The following SENP2 variants were observed in gnomAD, a reference collection of about 807,000 sequenced individuals.
SENP2 encodes SUMO specific peptidase 2.
A neutral mutation model predicts 86.3 loss-of-function variants in SENP2; 16 were observed. That is an observed-to-expected ratio of 0.19 (90% confidence interval 0.13 to 0.28). The LOEUF is 0.28. SENP2 is among the 10% of genes least tolerant of loss of function. The pLI is 1.00. For synonymous variants in SENP2, 222 were observed against 238.7 expected (o/e 0.93, Z 0.64); for missense variants, 552 against 703.0 (o/e 0.79, Z 2.43).
At chr3:185,599,584 G>C (rs533950612) in intron 4 of SENP2, among the ~76,000 whole-genome samples, 61 of 152,268 alleles carry the variant, frequency 4.0e-4, no homozygotes, top group Admixed American at 3.4e-3. Context: ...ACTCAGGAAG[G>C]CTTGTAAAGT....
chr3:185,608,728 A>G (rs912545095), intron 6 of SENP2, among the ~76,000 whole-genome samples: 1 of 152,194 alleles, frequency 6.6e-6, no homozygotes, highest in Admixed American at 6.6e-5. Flanking sequence ...GGAGACAGAG[A>G]AAAAAGAATC....
At chr3:185,599,080 C>T (rs78873116) in intron 4 of SENP2, 56 bp downstream of exon 4, 62,509 of 1,274,476 alleles carry the variant, frequency 0.049, 2,229 homozygotes, top group East Asian at 0.15. Context: ...CCATTTTTTT[C>T]CTACATTTTG....
Position 185,599,757 on chromosome 3 carries a change from A to AT in SENP2, c.358+734dup, listed in dbSNP as rs78099728. 4.5e-4 allele frequency among the ~76,000 whole-genome samples: 68 copies of AT among 151,976 alleles called. 1 individual carries two copies. In the East Asian group the frequency reaches 0.012, roughly 27 times the overall value. ...GAGAAGAGCAAAGGAGAATAAATAC[A>AT]TACCCCTGTGTCTGAGAAGCTAGTT... On this transcript the variant is annotated intron_variant, in intron 4 of 16. Coordinates refer to ENST00000296257, the MANE Select transcript of SENP2 (RefSeq NM_021627.3).
intron 2 of SENP2, among the ~76,000 whole-genome samples, chr3:185,590,778 G>A (rs1312567023): frequency 3.3e-5 from 4 of 122,544 alleles, no homozygotes; most frequent in Non-Finnish European, 6.6e-5. Flanking sequence ...CGAGAATCGC[G>A]TGAACCTGGG....
chr3:185,592,813 C>T (rs1722051034), intron 2 of SENP2, among the ~76,000 whole-genome samples: 1 of 152,086 alleles, frequency 6.6e-6, no homozygotes, highest in South Asian at 2.1e-4. Flanking sequence ...GACAGGGTTT[C>T]GCCATGTTGG....
intron 16 of SENP2, among the ~76,000 whole-genome samples, chr3:185,628,949 T>C (rs984925311): frequency 2.6e-5 from 4 of 152,136 alleles, no homozygotes; most frequent in Non-Finnish European, 5.9e-5. Context: ...AAACATCTCA[T>C]TGTTTCATGT....
intron 16 of SENP2, among the ~76,000 whole-genome samples, chr3:185,628,795 C>T (rs1055907195): frequency 2.0e-5 from 3 of 152,170 alleles, no homozygotes; most frequent in African/African-American, 4.8e-5. Context: ...CGTGAGCCAC[C>T]GCGCCTGGCC....
At chr3:185,596,300 C>A (rs1432493325) in intron 2 of SENP2, among the ~76,000 whole-genome samples, 1 of 152,004 alleles carries the variant, frequency 6.6e-6, no homozygotes, top group Non-Finnish European at 1.5e-5. Flanking sequence ...GAGGGATAGT[C>A]TTGTTCTATC....
At chr3:185,587,590 G>A (rs1721830342) in intron 1 of SENP2, among the ~76,000 whole-genome samples, 2 of 63,550 alleles carry the variant, frequency 3.1e-5, no homozygotes, top group African/African-American at 6.1e-5. Context: ...TTTTTGAGAA[G>A]GAGTCTCGCT....
At chr3:185,610,358 C>T (rs1577731656) in intron 7 of SENP2, among the ~76,000 whole-genome samples, 1 of 152,046 alleles carries the variant, frequency 6.6e-6, no homozygotes, top group East Asian at 1.9e-4. Flanking sequence ...GATGGGGCTT[C>T]ACCATGTTGG....
intron 13 of SENP2, among the ~76,000 whole-genome samples, chr3:185,620,498 A>G (rs936874366): frequency 6.6e-6 from 1 of 152,104 alleles, no homozygotes; most frequent in Admixed American, 6.6e-5. Flanking sequence ...GCTGGAGTGC[A>G]ATGGCACGAT....
chr3:185,615,051 G>T (rs1376597790), intron 11 of SENP2, among the ~76,000 whole-genome samples: 1 of 152,046 alleles, frequency 6.6e-6, no homozygotes, highest in Non-Finnish European at 1.5e-5. Context: ...TATGGGTTTG[G>T]CATTAAGAAT....
chr3:185,612,338 A>G, intron 8 of SENP2: 2 of 328,458 alleles, frequency 6.1e-6, no homozygotes, highest in South Asian at 7.3e-5. Context: ...ATTTCCTTAT[A>G]CTTCTCCACT....
chr3:185,625,962 C>T (rs766283861), intron 15 of SENP2, among the ~76,000 whole-genome samples: 1 of 152,152 alleles, frequency 6.6e-6, no homozygotes, highest in Non-Finnish European at 1.5e-5. Flanking sequence ...GGGTCATGCA[C>T]TCCATCTCAT....
intron 5 of SENP2, among the ~76,000 whole-genome samples, chr3:185,605,803 T>G (rs1560194126): frequency 6.6e-6 from 1 of 152,098 alleles, no homozygotes; most frequent in Non-Finnish European, 1.5e-5. Flanking sequence ...TGTGACTGGG[T>G]GGGAATTCCA....
rs1357471974 is a variant in SENP2, at chr3:185,590,973, C to T, written c.157+804C>T. ...AGGCTGGAGTGCAGTGGCGCAATCT[C>T]GGCTCACTGCAAGCTCTGCCTCCCA... On this transcript the variant is annotated intron_variant, in intron 2 of 16. Coordinates refer to ENST00000296257, the MANE Select transcript of SENP2 (RefSeq NM_021627.3). Among the ~76,000 whole-genome samples, 39 of 117,744 alleles carry T rather than the reference C, an allele frequency of 3.3e-4. No homozygotes were observed. In the South Asian group the frequency reaches 4.5e-3, roughly 13 times the overall value. 77.2% of individuals were successfully genotyped at this position (117,744 alleles called of 152,430 possible). A position where few individuals can be genotyped will look rare whatever the true frequency, so the allele number is the denominator to read the frequency against.
In SENP2 at chr3:185,592,627, T is replaced by C. The variant is rs150099233; in HGVS notation, c.157+2458T>C. Among the ~76,000 whole-genome samples, 605 of 152,050 alleles carry C rather than the reference T, an allele frequency of 4.0e-3. 7 individuals carry two copies. The highest frequency in any genetic ancestry group is 0.014 in the African/African-American group (567 of 41,514). ...TAGTAAGACAGGGTCTCCTTTTTTT[T>C]TTTTTTTGAGATGGAGTCTTGCTCT... On this transcript the variant is annotated intron_variant, in intron 2 of 16. Transcript: ENST00000296257.
intron 16 of SENP2, 22 bp downstream of exon 16, chr3:185,626,415 C>A (rs1357248081): frequency 6.6e-7 from 1 of 1,506,188 alleles, no homozygotes; most frequent in African/African-American, 1.4e-5. Flanking sequence ...CCCTCTTCAT[C>A]CATTTACTTG....
chr3:185,605,108 C>T (rs1245562262), intron 5 of SENP2, among the ~76,000 whole-genome samples: 2 of 151,304 alleles, frequency 1.3e-5, no homozygotes, highest in Non-Finnish European at 1.5e-5. Context: ...TGGTGGCTCA[C>T]GCCTGTATCC....
Sources: allele counts gnomAD v4.1 joint callset (sites outside exome capture counted in the v4.1 genomes callset), GRCh38; gene constraint gnomAD v4.1.1; transcripts MANE v1.5; gene names NCBI Gene and HGNC (gene_info 2026-07-23, HGNC 2026-07-21).